Variants in SPAG17 observed in about 807,000 individuals in gnomAD.
SPAG17 encodes the protein sperm associated antigen 17.
In SPAG17, 169 loss-of-function variants were observed where a neutral mutation model predicts 273.6. That is an observed-to-expected ratio of 0.62 (90% CI 0.55 to 0.70). The LOEUF is 0.70. Among genes scored for constraint, SPAG17 ranks in the 30% least tolerant of loss-of-function variants. The probability of loss-of-function intolerance (pLI) is 0.00; values close to 1 mark genes in which losing one functional copy is unlikely to be tolerated. For missense variants in SPAG17, 2,557 were observed against 2,627.8 expected (o/e 0.97, Z 0.59); for synonymous variants, 825 against 873.2 (o/e 0.94, Z 0.97).
intron 3 of SPAG17, among the ~76,000 whole-genome samples, chr1:118,124,849 A>G (rs1570736117): frequency 6.6e-6 from 1 of 152,124 alleles, no homozygotes; most frequent in Non-Finnish European, 1.5e-5. Flanking sequence ...TCTAGTCAAC[A>G]TATTGTGTGG....
intron 43 of SPAG17, among the ~76,000 whole-genome samples, chr1:117,979,233 C>T (rs761867365): frequency 6.6e-5 from 10 of 152,094 alleles, no homozygotes; most frequent in South Asian, 2.1e-4. Context: ...TTCTAGAGTT[C>T]GCCTCAGGAC....
chr1:118,110,112 A>G (rs138626613), intron 4 of SPAG17, among the ~76,000 whole-genome samples: 211 of 152,320 alleles, frequency 1.4e-3, no homozygotes, highest in African/African-American at 4.9e-3. Context: ...AATATTATCC[A>G]AAATATGGAG....
intron 20 of SPAG17, among the ~76,000 whole-genome samples, chr1:118,044,662 G>A (rs1571328041): frequency 1.3e-5 from 2 of 152,296 alleles, no homozygotes; most frequent in East Asian, 1.9e-4. Context: ...AATGTTGGAG[G>A]AGGAGTCTGG....
intron 20 of SPAG17, among the ~76,000 whole-genome samples, chr1:118,044,067 T>C (rs1289578769): frequency 6.6e-6 from 1 of 152,162 alleles, no homozygotes. Flanking sequence ...AATAATATTA[T>C]ATGCTTTATT....
rs145652318 is a variant in SPAG17, at chr1:118,165,402, G to A, written c.88-14033C>T. Among the ~76,000 whole-genome samples the A allele has an allele frequency of 2.8e-4, 43 of 152,104 alleles. 2 individuals carry two copies. The East Asian group carries it at 7.8e-3, about 28-fold the overall frequency. ...ACCTCCACTCTTAACCTCACTCCAT[G>A]TGTGTCTGTGTCCTTGATTTCCTTG... On this transcript the variant is annotated intron_variant, in intron 1 of 48. Coordinates refer to ENST00000336338, the MANE Select transcript of SPAG17 (RefSeq NM_206996.4).
intron 48 of SPAG17, chr1:117,960,564 G>T (rs1166171931): frequency 6.6e-6 from 1 of 152,178 alleles, no homozygotes; most frequent in Non-Finnish European, 1.5e-5. Context: ...TGCTTTTTGG[G>T]AGCACTGTGA....
intron 32 of SPAG17, among the ~76,000 whole-genome samples, chr1:118,000,448 T>A (rs1459152744): frequency 6.6e-6 from 1 of 152,204 alleles, no homozygotes; most frequent in Non-Finnish European, 1.5e-5. Context: ...ATTCTTCCTA[T>A]CCATGAGCAT....
chr1:118,092,644 G>A (rs1298133337), intron 8 of SPAG17, among the ~76,000 whole-genome samples: 1 of 152,136 alleles, frequency 6.6e-6, no homozygotes, highest in Non-Finnish European at 1.5e-5. Flanking sequence ...TCCTGGTTCA[G>A]TTTTCCTGAC....
chr1:118,126,006 T>C (rs1437608654), intron 3 of SPAG17, among the ~76,000 whole-genome samples: 2 of 151,638 alleles, frequency 1.3e-5, no homozygotes, highest in Admixed American at 6.6e-5. Context: ...TATGAGTTCC[T>C]TTTTCTTAGC....
intron 3 of SPAG17, among the ~76,000 whole-genome samples, chr1:118,141,876 T>G (rs1006063238): frequency 6.6e-6 from 1 of 152,232 alleles, no homozygotes; most frequent in Non-Finnish European, 1.5e-5. Context: ...AGAAGAATAA[T>G]GTATATTAGT....
chr1:118,126,988 T>G (rs986680950), intron 3 of SPAG17, among the ~76,000 whole-genome samples: 1 of 152,172 alleles, frequency 6.6e-6, no homozygotes, highest in African/African-American at 2.4e-5. Flanking sequence ...CAAAAATCAG[T>G]TGACTGTAAC....
intron 10 of SPAG17, among the ~76,000 whole-genome samples, chr1:118,090,382 A>C (rs1216786277): frequency 1.3e-5 from 2 of 152,248 alleles, no homozygotes; most frequent in African/African-American, 2.4e-5. Context: ...ATCAGTAAAT[A>C]ATGGAAATCA....
chr1:117,954,362 G>T (rs1571027123), intron 48 of SPAG17, among the ~76,000 whole-genome samples: 1 of 152,024 alleles, frequency 6.6e-6, no homozygotes, highest in African/African-American at 2.4e-5. Flanking sequence ...GGGAGGCAGG[G>T]TAACCATTTC....
rs565787619 is a variant in SPAG17, at chr1:118,090,761, C to T, written c.1359+845G>A. Among the ~76,000 whole-genome samples, 10 of 152,144 alleles carry T rather than the reference C, an allele frequency of 6.6e-5. 1 individual carries two copies. In the East Asian group the frequency reaches 1.9e-3, roughly 29 times the overall value. On this transcript the variant is annotated intron_variant, in intron 10 of 48. Coordinates refer to ENST00000336338, the MANE Select transcript of SPAG17 (RefSeq NM_206996.4). ...AATTCGCTGGGCATGGTGGTGCATG[C>T]TTGTAGTTCTAGATACTCAGGAGGC... is the stretch of plus-strand genomic sequence containing the variant.
At chr1:118,065,094 T>C (rs746167714) in intron 18 of SPAG17, among the ~76,000 whole-genome samples, 1 of 151,880 alleles carries the variant, frequency 6.6e-6, no homozygotes, top group Non-Finnish European at 1.5e-5. Flanking sequence ...TCCAGAAAAA[T>C]ATAGAGAAAT....
Position 118,042,116 on chromosome 1 carries a change from A to G in SPAG17, c.2815-74T>C. On this transcript the variant is annotated intron_variant, in intron 20 of 48. Coordinates refer to ENST00000336338, the MANE Select transcript of SPAG17 (RefSeq NM_206996.4). ...ATAGGTTCCATTCAGGTTCATTTTG[A>G]AGAATATTTAACATGATTTTTGTTA... 3.3e-6 allele frequency: 5 copies of G among 1,518,286 alleles called. No individual in the cohort carries two copies. In the South Asian group the frequency reaches 6.4e-5, roughly 19 times the overall value. The allele number at this position is 1,518,286 out of a possible 1,614,324, so 94.1% of individuals were successfully genotyped here.
intron 28 of SPAG17, among the ~76,000 whole-genome samples, chr1:118,018,807 C>T (rs1660219090): frequency 6.6e-6 from 1 of 151,854 alleles, no homozygotes; most frequent in African/African-American, 2.4e-5. Flanking sequence ...TATCTGTAAG[C>T]TAGAATTCTA....
At chr1:118,096,271 A>G (rs144287698) in intron 7 of SPAG17, among the ~76,000 whole-genome samples, 1 of 152,246 alleles carries the variant, frequency 6.6e-6, no homozygotes, top group African/African-American at 2.4e-5. Context: ...ACTCAGAGTC[A>G]GAAGTGTCCA....
intron 5 of SPAG17, among the ~76,000 whole-genome samples, chr1:118,101,532 A>G (rs898067948): frequency 3.9e-5 from 6 of 152,206 alleles, no homozygotes. Flanking sequence ...GCTGGGAAAG[A>G]CTAAGCATAG....
Sources: allele counts gnomAD v4.1 joint callset (sites outside exome capture counted in the v4.1 genomes callset), GRCh38; gene constraint gnomAD v4.1.1; transcripts MANE v1.5; gene names NCBI Gene and HGNC (gene_info 2026-07-23, HGNC 2026-07-21).